MPV17: variants seen among roughly 807,000 people sequenced by gnomAD.
MPV17 encodes the protein MPV17, mitochondrial inner membrane protein.
Under a neutral mutation model 28.6 loss-of-function variants are expected in MPV17, and 31 were observed. The observed-to-expected ratio is 1.08, with a 90% CI of 0.81 to 1.46. The LOEUF (loss-of-function observed/expected upper bound fraction) is 1.46. Among genes scored for constraint, MPV17 ranks in the 40% most tolerant of loss-of-function variants. MPV17 has a pLI of 0.00. For missense variants in MPV17, 198 were observed against 216.2 expected (o/e 0.92, Z 0.53); for synonymous variants, 87 against 85.3 (o/e 1.02, Z -0.11).
intron 1 of MPV17, 120 bp from the exon 2 acceptor site, chr2:27,322,642 G>A (rs1679902230): frequency 1.3e-6 from 1 of 787,012 alleles, no homozygotes; most frequent in Non-Finnish European, 2.2e-6. Context: ...ACTTAAAGGG[G>A]CAGAGGCCAC....
intron 5 of MPV17, 29 bp downstream of exon 5, chr2:27,312,465 G>A (rs1679486619): frequency 6.2e-7 from 1 of 1,610,186 alleles, no homozygotes; most frequent in Non-Finnish European, 8.5e-7. Context: ...CCGCCAGCCA[G>A]AGACATTCTC....
At chr2:27,311,369 T>G in intron 7 of MPV17, 1 of 562,104 alleles carries the variant, frequency 1.8e-6, no homozygotes, top group Non-Finnish European at 3.2e-6. Flanking sequence ...CCAGTCTGTA[T>G]TCGTTTTAGC....
At position 27,315,222 on chromosome 2, in the gene MPV17, C is replaced by G. The variant is rs567357982; in HGVS notation, c.71-2113G>C. Among the ~76,000 whole-genome samples the G allele has an allele frequency of 9.8e-5, 15 of 152,336 alleles. No individual in the cohort carries two copies. The Middle Eastern group carries it at 0.017, about 173-fold the overall frequency. On this transcript the variant is annotated intron_variant, in intron 2 of 7. Transcript: ENST00000380044. ...TACTGTCCCAAACAGCAGGACGACT[C>G]TGAGAAAGGGTCTGAAGAATTCTTA...
At chr2:27,319,380 G>T (rs1419527183) in intron 2 of MPV17, among the ~76,000 whole-genome samples, 19 of 149,416 alleles carry the variant, frequency 1.3e-4, no homozygotes, top group Admixed American at 1.3e-3. Context: ...GAAATTAGCT[G>T]GGCATGGTGG....
chr2:27,309,925 G>A lies in MPV17; in HGVS notation c.518C>T (p.Ala173Val), dbSNP rs1175076834. 2 of 1,613,824 alleles carry A rather than the reference G, an allele frequency of 1.2e-6. 1 individual carries two copies. Among genetic ancestry groups the A allele is most frequent in the African/African-American group, 2.7e-5 (2 of 75,042 alleles). Residue 173 changes from alanine to valine, a missense_variant, in exon 8 of 8, where the codon GCA (alanine) becomes GTA (valine). Ala to Val is a moderately conservative substitution (Grantham distance 64, BLOSUM62 0). Coordinates refer to ENST00000380044, the MANE Select transcript of MPV17 (RefSeq NM_002437.5). ...VIWNSYLSWK[A>V]HRL ...AGTGAGGCAGGCTTAGAGCCGATGT[G>A]CCTTCCAGGACAGGTAGGAGTTCCA... is the stretch of plus-strand genomic sequence containing the variant.
chr2:27,312,056 A>G (rs1679464210), intron 6 of MPV17, 105 bp from the exon 7 acceptor site: 1 of 1,484,998 alleles, frequency 6.7e-7, no homozygotes, highest in African/African-American at 1.4e-5. Context: ...AAAAAGGTGA[A>G]CAGTTGGGTG....
At chr2:27,315,821 C>T in intron 2 of MPV17, 8 of 1,104,988 alleles carry the variant, frequency 7.2e-6, no homozygotes, top group Non-Finnish European at 9.0e-6. Context: ...CTTGGCCGCC[C>T]AAAGTGTTGG....
chr2:27,313,130 T>G, intron 2 of MPV17, 21 bp from the exon 3 acceptor site: 1 of 1,614,072 alleles, frequency 6.2e-7, no homozygotes. Context: ...TACACAGGTG[T>G]TGTCAGGACA....
At chr2:27,310,422 G>GT (rs1318827843) in intron 7 of MPV17, among the ~76,000 whole-genome samples, 1 of 152,208 alleles carries the variant, frequency 6.6e-6, no homozygotes, top group East Asian at 1.9e-4. Flanking sequence ...AAGGGCCTGT[G>GT]TGGCTTGCAC....
In MPV17 at chr2:27,313,101, T is replaced by A; in HGVS notation, c.79A>T (p.Met27Leu). The part of the protein sequence containing the change: ...KVQVLTAGSL[M>L]GLGDIISQQL... ...TGTGAGATAATGTCACCCAGGCCCA[T>A]CAGGGACCCTATGCAGGGTACACAG... Residue 27 changes from methionine to leucine, a missense_variant, in exon 3 of 8, where the codon ATG (methionine) becomes TTG (leucine). Transcript: ENST00000380044. The A allele has an allele frequency of 6.2e-7, 1 of 1,614,140 alleles. No homozygotes were observed. The highest frequency in any genetic ancestry group is 8.5e-7 in the Non-Finnish European group (1 of 1,180,028).
At chr2:27,310,490 A>G (rs186110272) in intron 7 of MPV17, among the ~76,000 whole-genome samples, 2 of 152,222 alleles carry the variant, frequency 1.3e-5, no homozygotes, top group Admixed American at 1.3e-4. Flanking sequence ...CCTGGCTGAG[A>G]GCCTCAAAGG....
At chr2:27,311,834 C>T in intron 7 of MPV17, 65 bp downstream of exon 7, 10 of 1,597,530 alleles carry the variant, frequency 6.3e-6, no homozygotes, top group Non-Finnish European at 8.5e-6. Flanking sequence ...AAATGAGAAT[C>T]ATTTTGTCTC....
chr2:27,313,493 T>TTTTAGA (rs1679538393), intron 2 of MPV17: 3 of 467,812 alleles, frequency 6.4e-6, no homozygotes, highest in Non-Finnish European at 1.2e-5. Flanking sequence ...TTTAGAGGTA[T>TTTTAGA]GGAAATGAAG....
chr2:27,318,390 C>G (rs1004338141), intron 2 of MPV17, among the ~76,000 whole-genome samples: 4 of 151,588 alleles, frequency 2.6e-5, no homozygotes, highest in African/African-American at 9.7e-5. Flanking sequence ...TGGAGTCTCG[C>G]TCTGTCGTCC....
chr2:27,313,376 G>T, intron 2 of MPV17: 1 of 668,918 alleles, frequency 1.5e-6, no homozygotes. Context: ...GGAAGTCAGA[G>T]TCAGAAAGTA....
intron 2 of MPV17, among the ~76,000 whole-genome samples, chr2:27,319,267 T>C (rs1330568933): frequency 6.6e-6 from 1 of 151,922 alleles, no homozygotes; most frequent in Non-Finnish European, 1.5e-5. Flanking sequence ...TAGTGATCCA[T>C]GTTCAGATTA....
At chr2:27,311,831 A>C in intron 7 of MPV17, 68 bp downstream of exon 7, 1 of 1,591,174 alleles carries the variant, frequency 6.3e-7, no homozygotes, top group Non-Finnish European at 8.6e-7. Flanking sequence ...TTGAAATGAG[A>C]ATCATTTTGT....
chr2:27,317,278 C>A lies in MPV17; in HGVS notation c.71-4169G>T, dbSNP rs1456692513. On this transcript the variant is annotated intron_variant, in intron 2 of 7. Coordinates refer to ENST00000380044, the MANE Select transcript of MPV17 (RefSeq NM_002437.5). The surrounding 1 kb of genome is among the most constrained non-coding windows in gnomAD (Gnocchi z 4.0). The stretch of plus-strand genomic sequence containing the variant: ...TGCCTAGGATAGGGGCTCAGTCTGG[C>A]ACAGAGCCCAGAGGGAGTGGAAGCC... The A allele has an allele frequency of 6.8e-7, 1 of 1,474,406 alleles. No homozygotes were observed. Among genetic ancestry groups the A allele is most frequent in the South Asian group, 1.4e-5 (1 of 73,548 alleles). 91.3% of individuals were successfully genotyped at this position (1,474,406 alleles called of 1,614,324 possible). A position where few individuals can be genotyped will look rare whatever the true frequency, so the allele number is the denominator to read the frequency against.
intron 2 of MPV17, among the ~76,000 whole-genome samples, chr2:27,318,032 C>T (rs866723800): frequency 1.3e-5 from 2 of 151,732 alleles, no homozygotes; most frequent in East Asian, 1.9e-4. Flanking sequence ...GAACTAGTAG[C>T]GGAGCGGAGT....
Sources: gnomAD v4.1 joint callset for allele counts (sites outside exome capture counted in the v4.1 genomes callset) on GRCh38, gnomAD v4.1.1 for gene constraint, Gnocchi (gnomAD v3.1) non-coding constraint, MANE v1.5 for transcripts, NCBI Gene and HGNC (gene_info 2026-07-23, HGNC 2026-07-21) for gene names.